The following UBR3 variants were observed in gnomAD, a reference collection of about 807,000 sequenced individuals.
UBR3 encodes E3 ubiquitin-protein ligase UBR3.
In UBR3, 85 loss-of-function variants were observed where a neutral mutation model predicts 243.2. That is an observed-to-expected ratio of 0.35 (90% confidence interval 0.29 to 0.42). The LOEUF is 0.42. UBR3 is among the 10% of genes least tolerant of loss of function. The probability of loss-of-function intolerance (pLI) is 1.00; values close to 1 mark genes in which losing one functional copy is unlikely to be tolerated. For synonymous variants in UBR3, 748 were observed against 799.8 expected (o/e 0.94, Z 1.09); for missense variants, 1,686 against 2,300.8 (o/e 0.73, Z 5.47).
chr2:169,872,919 A>G (rs951100709), intron 2 of UBR3, among the ~76,000 whole-genome samples: 5 of 152,130 alleles, frequency 3.3e-5, no homozygotes, highest in Non-Finnish European at 1.5e-5. Context: ...TGTTCTTCTT[A>G]CTTTTTAAGA....
At chr2:169,859,121 T>A (rs1329370670) in intron 1 of UBR3, among the ~76,000 whole-genome samples, 1 of 145,190 alleles carries the variant, frequency 6.9e-6, no homozygotes, top group African/African-American at 2.6e-5. Context: ...AGTCTTGCTC[T>A]GTTGCCCAGG....
chr2:169,951,704 G>C (rs115111014), intron 23 of UBR3, among the ~76,000 whole-genome samples: 2 of 151,986 alleles, frequency 1.3e-5, no homozygotes, highest in Non-Finnish European at 2.9e-5. Context: ...TTAGAGTGGG[G>C]TAAGACTGGA....
intron 11 of UBR3, among the ~76,000 whole-genome samples, chr2:169,918,890 T>G (rs1318564621): frequency 1.3e-5 from 2 of 152,142 alleles, no homozygotes; most frequent in East Asian, 1.9e-4. Context: ...GTCCCTGACT[T>G]AAGGAAGTGG....
At chr2:169,958,120 G>T (rs1030357316) in intron 23 of UBR3, among the ~76,000 whole-genome samples, 6 of 152,148 alleles carry the variant, frequency 3.9e-5, no homozygotes, top group African/African-American at 1.4e-4. Context: ...TCTTGGTCTT[G>T]CTACCTTCTG....
intron 26 of UBR3, among the ~76,000 whole-genome samples, chr2:169,996,391 G>T (rs1477878164): frequency 6.6e-6 from 1 of 152,174 alleles, no homozygotes; most frequent in East Asian, 1.9e-4. Context: ...GATCTTTCAT[G>T]CAGTAATCAC....
chr2:170,078,540 T>C (rs1305432547), intron 36 of UBR3, among the ~76,000 whole-genome samples: 1 of 152,258 alleles, frequency 6.6e-6, no homozygotes, highest in Non-Finnish European at 1.5e-5. Context: ...GTAGGTGATT[T>C]CTTCCAGCTG....
intron 1 of UBR3, among the ~76,000 whole-genome samples, chr2:169,835,714 T>C (rs1236772337): frequency 6.6e-6 from 1 of 152,172 alleles, no homozygotes; most frequent in African/African-American, 2.4e-5. Context: ...GTGCTGGGAT[T>C]ACAGGCGTGA....
At chr2:169,994,159 C>G (rs756210465) in intron 25 of UBR3, among the ~76,000 whole-genome samples, 164 bp from the exon 26 acceptor site, 3 of 152,036 alleles carry the variant, frequency 2.0e-5, no homozygotes, top group African/African-American at 7.3e-5. Context: ...CTTTATTTAG[C>G]CTGTAGGAGA....
Position 169,896,520 on chromosome 2 carries a change from A to G in UBR3, c.1250A>G (p.Lys417Arg). Residue 417 changes from lysine (K) to arginine (R), a missense_variant, in exon 8 of 39, where the codon AAA (lysine) becomes AGA (arginine). Transcript: ENST00000272793. ...AAATGTTTACAGGTTGCTTTTACAAAAACTTTTGTTCAGCATTATGCTTTC... is the reference window on the plus strand; with the variant it reads ...AAATGTTTACAGGTTGCTTTTACAAGAACTTTTGTTCAGCATTATGCTTTC... ...PDQEYKVAFT[K>R]TFVQHYAFIM... 2 of 1,522,398 alleles carry G rather than the reference A, an allele frequency of 1.3e-6. No homozygotes were observed. Among genetic ancestry groups the G allele is most frequent in the Non-Finnish European group, 1.8e-6 (2 of 1,130,586 alleles). The allele number at this position is 1,522,398 out of a possible 1,614,324, so 94.3% of individuals were successfully genotyped here.
At chr2:169,879,061 A>G (rs1247267390) in intron 5 of UBR3, among the ~76,000 whole-genome samples, 1 of 152,006 alleles carries the variant, frequency 6.6e-6, no homozygotes, top group Non-Finnish European at 1.5e-5. Flanking sequence ...GAAAAAGACC[A>G]TCAATTTGAA....
chr2:169,829,700 A>G (rs2081867293), intron 1 of UBR3, among the ~76,000 whole-genome samples: 1 of 152,178 alleles, frequency 6.6e-6, no homozygotes, highest in African/African-American at 2.4e-5. Context: ...CTGGGATTAC[A>G]GGCGTGAGCC....
At chr2:170,000,268 C>A (rs531085505) in intron 26 of UBR3, among the ~76,000 whole-genome samples, 2 of 151,872 alleles carry the variant, frequency 1.3e-5, no homozygotes, top group Non-Finnish European at 2.9e-5. Flanking sequence ...TTGGGTTATT[C>A]TTGTGACTAG....
At chr2:170,059,257 TG>T (rs1262168878) in intron 33 of UBR3, among the ~76,000 whole-genome samples, 2 of 152,224 alleles carry the variant, frequency 1.3e-5, no homozygotes, top group African/African-American at 4.8e-5. Context: ...GTGCTCAAAA[TG>T]TATTTGTTAA....
At chr2:169,912,973 A>T (rs927845784) in intron 10 of UBR3, among the ~76,000 whole-genome samples, 1 of 152,068 alleles carries the variant, frequency 6.6e-6, no homozygotes, top group African/African-American at 2.4e-5. Flanking sequence ...TTTCGCAGAG[A>T]CAGAGACTTG....
At chr2:169,971,823 A>C (rs937746590) in intron 24 of UBR3, among the ~76,000 whole-genome samples, 1 of 152,176 alleles carries the variant, frequency 6.6e-6, no homozygotes, top group African/African-American at 2.4e-5. Context: ...GAAAGATCCA[A>C]AATTGACACC....
Position 169,872,270 on chromosome 2 carries a change from A to G in UBR3, c.580A>G (p.Asn194Asp), listed in dbSNP as rs1257182846. 18 of 1,534,122 alleles carry G rather than the reference A, an allele frequency of 1.2e-5. No individual in the cohort carries two copies. Among genetic ancestry groups the G allele is most frequent in the Admixed American group, 8.3e-5 (4 of 48,236 alleles). Residue 194 changes from asparagine (N) to aspartate (D), a missense_variant, in exon 2 of 39, where the codon AAT becomes GAT. Physicochemically the swap from Asn to Asp is conservative, Grantham distance 23 (BLOSUM62 1). Transcript: ENST00000272793. ...AAGGCATCAAATTAAATCAAGTTCAAATATTCCCTGTGTCCCTAAAGACTT... is the reference window on the plus strand; with the variant it reads ...AAGGCATCAAATTAAATCAAGTTCAGATATTCCCTGTGTCCCTAAAGACTT... ...CKRHQIKSSSNIPCVPKDLLM... is the reference protein window; with the variant it reads ...CKRHQIKSSSDIPCVPKDLLM...
chr2:169,930,121 C>T (rs1296307719), intron 18 of UBR3, among the ~76,000 whole-genome samples: 7 of 152,150 alleles, frequency 4.6e-5, no homozygotes, highest in East Asian at 3.9e-4. Context: ...TGTGATGTGA[C>T]GATTACATCT....
At chr2:170,033,346 TA>T (rs564446297) in intron 31 of UBR3, among the ~76,000 whole-genome samples, 104 of 152,104 alleles carry the variant, frequency 6.8e-4, no homozygotes, top group Admixed American at 1.3e-3. Context: ...TCGTCAATAA[TA>T]ACTCTATGTA....
At chr2:170,058,775 C>G (rs1439828669) in intron 33 of UBR3, among the ~76,000 whole-genome samples, 1 of 152,164 alleles carries the variant, frequency 6.6e-6, no homozygotes, top group Non-Finnish European at 1.5e-5. Context: ...CTTGGCCTCC[C>G]AAAGTGCTGG....
Sources: allele counts gnomAD v4.1 joint callset (sites outside exome capture counted in the v4.1 genomes callset), GRCh38; gene constraint gnomAD v4.1.1; transcripts MANE v1.5; gene names NCBI Gene and HGNC (gene_info 2026-07-23, HGNC 2026-07-21).